Variants in EYS observed in about 807,000 individuals in gnomAD.
EYS encodes protein eyes shut homolog.
EYS carries 250 observed loss-of-function variants against 282.1 expected under a neutral mutation model. The observed-to-expected ratio is 0.89, with a 90% CI of 0.80 to 0.98. The LOEUF is 0.98. Ranked by LOEUF, EYS falls within the 50% of genes least tolerant of loss-of-function variation. EYS has a pLI of 0.00. For missense variants in EYS, 4,016 were observed against 3,709.0 expected (o/e 1.08, Z -2.15); for synonymous variants, 1,355 against 1,282.9 (o/e 1.06, Z -1.20).
intron 37 of EYS, among the ~76,000 whole-genome samples, chr6:63,792,353 G>C (rs1770538385): frequency 6.6e-6 from 1 of 151,988 alleles, no homozygotes; most frequent in Non-Finnish European, 1.5e-5. Flanking sequence ...GTAAATGATG[G>C]AGTAGATAAG....
intron 35 of EYS, among the ~76,000 whole-genome samples, chr6:63,879,157 T>G (rs1773061693): frequency 6.6e-6 from 1 of 152,162 alleles, no homozygotes; most frequent in South Asian, 2.1e-4. Context: ...TCTAGCTGAG[T>G]AGATTTTGGT....
At chr6:64,112,560 TCCTC>T (rs1773240119) in intron 31 of EYS, among the ~76,000 whole-genome samples, 1 of 151,746 alleles carries the variant, frequency 6.6e-6, no homozygotes, top group Non-Finnish European at 1.5e-5. Context: ...TACCATTTAA[TCCTC>T]CTAACCACAA....
Position 64,779,505 on chromosome 6 carries a change from A to C in EYS, c.3443+33873T>G, listed in dbSNP as rs1369626597. 2.0e-5 allele frequency among the ~76,000 whole-genome samples: 3 copies of C among 152,184 alleles called. No individual in the cohort carries two copies. In the East Asian group the frequency reaches 5.8e-4, roughly 29 times the overall value. ...TTGGGTTGGGGGAAGGGAAGAATAG[A>C]GGAAGCATAGGATTTTTAGGGCAGT... On this transcript the variant is annotated intron_variant, in intron 22 of 42. Coordinates refer to ENST00000503581, the MANE Select transcript of EYS (RefSeq NM_001142800.2).
At chr6:65,248,803 T>G (rs764314931) in intron 12 of EYS, among the ~76,000 whole-genome samples, 2 of 152,024 alleles carry the variant, frequency 1.3e-5, no homozygotes, top group Non-Finnish European at 2.9e-5. Context: ...CATATTTATC[T>G]AAACATAAGA....
At chr6:65,281,786 C>T (rs866342461) in intron 12 of EYS, among the ~76,000 whole-genome samples, 1 of 152,026 alleles carries the variant, frequency 6.6e-6, no homozygotes, top group South Asian at 2.1e-4. Context: ...ACAGATGAAC[C>T]AGGTTCTGTA....
At chr6:65,375,573 G>T (rs977167692) in intron 8 of EYS, among the ~76,000 whole-genome samples, 5 of 151,912 alleles carry the variant, frequency 3.3e-5, no homozygotes, top group African/African-American at 7.3e-5. Context: ...TCAGAAAGTG[G>T]GTAATAACAA....
At chr6:65,163,947 G>T (rs997129314) in intron 12 of EYS, among the ~76,000 whole-genome samples, 3 of 151,184 alleles carry the variant, frequency 2.0e-5, no homozygotes, top group Non-Finnish European at 4.4e-5. Flanking sequence ...GCACAAGTTT[G>T]CCTGGTTCTT....
chr6:64,518,481 C>T (rs542154198), intron 26 of EYS, among the ~76,000 whole-genome samples: 1 of 151,786 alleles, frequency 6.6e-6, no homozygotes, highest in Non-Finnish European at 1.5e-5. Context: ...TGCTGAAGAA[C>T]TCTCTTGTAA....
chr6:64,378,392 A>G (rs1023567809), intron 29 of EYS, among the ~76,000 whole-genome samples: 4 of 152,136 alleles, frequency 2.6e-5, no homozygotes, highest in African/African-American at 9.6e-5. Context: ...AATTATTAAT[A>G]TTAGCATATG....
intron 26 of EYS, among the ~76,000 whole-genome samples, chr6:64,580,678 A>AAAT (rs1193160156): frequency 6.6e-6 from 1 of 152,178 alleles, no homozygotes; most frequent in African/African-American, 2.4e-5. Flanking sequence ...AGAGGAAAGA[A>AAAT]AATAATATGT....
At chr6:63,783,881 TG>T (rs1770298695) in intron 39 of EYS, among the ~76,000 whole-genome samples, 1 of 148,516 alleles carries the variant, frequency 6.7e-6, no homozygotes, top group Admixed American at 6.6e-5. Flanking sequence ...AAATATTGTG[TG>T]TGTGTGTGTG....
intron 36 of EYS, among the ~76,000 whole-genome samples, chr6:63,810,958 A>G (rs957069706): frequency 3.9e-5 from 6 of 152,120 alleles, no homozygotes; most frequent in South Asian, 2.1e-4. Context: ...ATTTTTATCC[A>G]TATGCTTTGC....
intron 26 of EYS, among the ~76,000 whole-genome samples, chr6:64,530,192 T>C (rs924816042): frequency 6.6e-6 from 1 of 152,092 alleles, no homozygotes; most frequent in African/African-American, 2.4e-5. Flanking sequence ...GTAAAATAAG[T>C]AAACAATTAT....
chr6:64,753,411 A>C (rs1772828563), intron 22 of EYS, among the ~76,000 whole-genome samples: 1 of 151,988 alleles, frequency 6.6e-6, no homozygotes, highest in African/African-American at 2.4e-5. Context: ...CTCAAGGTAA[A>C]GGGGTGGAAA....
At chr6:64,479,023 G>A (rs1776359345) in intron 26 of EYS, among the ~76,000 whole-genome samples, 1 of 151,852 alleles carries the variant, frequency 6.6e-6, no homozygotes, top group Non-Finnish European at 1.5e-5. Flanking sequence ...TTTATTCAAT[G>A]TCATATATTG....
At chr6:65,598,511 G>C (rs1296748429) in intron 2 of EYS, among the ~76,000 whole-genome samples, 1 of 152,006 alleles carries the variant, frequency 6.6e-6, no homozygotes, top group East Asian at 1.9e-4. Context: ...GCATTGATGT[G>C]TTGCCTACAT....
At chr6:65,221,821 C>T (rs551141553) in intron 12 of EYS, among the ~76,000 whole-genome samples, 1 of 152,296 alleles carries the variant, frequency 6.6e-6, no homozygotes, top group South Asian at 2.1e-4. Context: ...CTGTACCCTG[C>T]AAAGCCACAG....
chr6:65,459,909 A>T (rs1420531382), intron 5 of EYS, among the ~76,000 whole-genome samples: 1 of 145,614 alleles, frequency 6.9e-6, no homozygotes, highest in Non-Finnish European at 1.5e-5. Flanking sequence ...TTACTACTGT[A>T]TCTTTTCTTA....
At chr6:65,399,952 T>G (rs1437408129) in intron 7 of EYS, among the ~76,000 whole-genome samples, 1 of 152,048 alleles carries the variant, frequency 6.6e-6, no homozygotes, top group African/African-American at 2.4e-5. Context: ...AATTTCTTAG[T>G]GTTACTGTAG....
Sources: allele counts gnomAD v4.1 joint callset (sites outside exome capture counted in the v4.1 genomes callset), GRCh38; gene constraint gnomAD v4.1.1; transcripts MANE v1.5; gene names NCBI Gene and HGNC (gene_info 2026-07-23, HGNC 2026-07-21).